ZNF407: variants seen among roughly 807,000 people sequenced by gnomAD.
ZNF407 encodes the protein zinc finger protein 407.
Under a neutral mutation model 131.2 loss-of-function variants are expected in ZNF407, and 17 were observed. That is an observed-to-expected ratio of 0.13 (90% CI 0.09 to 0.19). The LOEUF is 0.19. Ranked by LOEUF, ZNF407 falls within the 10% of genes least tolerant of loss-of-function variation. ZNF407 has a pLI of 1.00. For synonymous variants in ZNF407, 1,156 were observed against 1,062.0 expected (o/e 1.09, Z -1.72); for missense variants, 2,681 against 2,830.6 (o/e 0.95, Z 1.20).
Position 74,631,746 on chromosome 18 carries a change from G to A in ZNF407, c.727G>A (p.Val243Ile). 1 of 1,614,022 alleles carries A rather than the reference G, an allele frequency of 6.2e-7. No homozygotes were observed. Among genetic ancestry groups the A allele is most frequent in the Non-Finnish European group, 8.5e-7 (1 of 1,179,906 alleles). ...HIKQAHGPQK[V>I]FSCDLCGFQC... Reference sequence around the variant, plus strand: ...CAAACAAGCACATGGGCCACAGAAGGTCTTTTCCTGTGATCTTTGTGGTTT... The same window carrying A: ...CAAACAAGCACATGGGCCACAGAAGATCTTTTCCTGTGATCTTTGTGGTTT... Residue 243 changes from valine to isoleucine, a missense_variant, in exon 2 of 9, where the codon GTC becomes ATC. Around this residue, in one of 6 missense-constraint regions of ZNF407, gnomAD observed 1,789 missense variants for 1,748.7 expected, o/e 1.02. Coordinates refer to ENST00000299687, the MANE Select transcript of ZNF407 (RefSeq NM_017757.3).
At chr18:75,044,871 T>C (rs1012766732) in intron 8 of ZNF407, among the ~76,000 whole-genome samples, 2 of 152,180 alleles carry the variant, frequency 1.3e-5, no homozygotes, top group East Asian at 1.9e-4. Flanking sequence ...TGAAGACTTA[T>C]TTGTACATCA....
intron 8 of ZNF407, among the ~76,000 whole-genome samples, chr18:74,984,014 T>C (rs1342146613): frequency 6.6e-6 from 1 of 152,244 alleles, no homozygotes; most frequent in Non-Finnish European, 1.5e-5. Context: ...TGGCAGGTCA[T>C]AGACAATTTC....
At chr18:74,871,153 C>T (rs1157484389) in intron 4 of ZNF407, among the ~76,000 whole-genome samples, 4 of 152,104 alleles carry the variant, frequency 2.6e-5, no homozygotes, top group Non-Finnish European at 5.9e-5. Context: ...GCATGGTGGC[C>T]GGTCGGCAGT....
chr18:74,712,847 C>T (rs1455729394), intron 3 of ZNF407, among the ~76,000 whole-genome samples: 7 of 152,132 alleles, frequency 4.6e-5, no homozygotes, highest in African/African-American at 1.4e-4. Flanking sequence ...GGAGCATAGG[C>T]TGTGGGTCAC....
chr18:74,725,043 T>A (rs1479411675), intron 3 of ZNF407, among the ~76,000 whole-genome samples: 2 of 152,282 alleles, frequency 1.3e-5, no homozygotes, highest in African/African-American at 4.8e-5. Context: ...TTTGATTAAC[T>A]GTTTATGTCA....
chr18:74,872,766 G>GAAAAAAAAAAAAAAAAAAAAAAAAAA (rs5826351), intron 4 of ZNF407, among the ~76,000 whole-genome samples: 2 of 123,212 alleles, frequency 1.6e-5, no homozygotes, highest in Non-Finnish European at 1.6e-5. Flanking sequence ...AAAAAAAAAA[G>GAAAAAAAAAAAAAAAAAAAAAAAAAA]AAAAAAAAAA....
At chr18:74,866,063 T>TA (rs537116399) in intron 4 of ZNF407, among the ~76,000 whole-genome samples, 93 of 152,348 alleles carry the variant, frequency 6.1e-4, no homozygotes, top group African/African-American at 1.5e-3. Context: ...CCCTTGAACT[T>TA]ACGATTTACC....
At chr18:74,911,140 C>G (rs771082479) in intron 7 of ZNF407, among the ~76,000 whole-genome samples, 6 of 152,202 alleles carry the variant, frequency 3.9e-5, no homozygotes, top group Non-Finnish European at 8.8e-5. Flanking sequence ...TGTAGCTTTT[C>G]TCAATCTGCG....
chr18:74,734,486 A>T (rs1274979505), intron 3 of ZNF407, among the ~76,000 whole-genome samples: 1 of 152,194 alleles, frequency 6.6e-6, no homozygotes, highest in Non-Finnish European at 1.5e-5. Context: ...TATCTGTAGT[A>T]TGATAGTTTT....
chr18:74,939,668 A>G (rs769459709), intron 8 of ZNF407, among the ~76,000 whole-genome samples: 2 of 152,228 alleles, frequency 1.3e-5, no homozygotes, highest in Non-Finnish European at 2.9e-5. Flanking sequence ...AAGCCTATGG[A>G]GGAAAATTGG....
At chr18:74,958,777 T>C (rs1288710267) in intron 8 of ZNF407, among the ~76,000 whole-genome samples, 2 of 152,224 alleles carry the variant, frequency 1.3e-5, no homozygotes, top group Non-Finnish European at 2.9e-5. Flanking sequence ...TTTTGGCATG[T>C]GACAGTAGGG....
chr18:74,931,245 C>T (rs1052870125), intron 8 of ZNF407, among the ~76,000 whole-genome samples: 2 of 152,084 alleles, frequency 1.3e-5, no homozygotes, highest in African/African-American at 4.8e-5. Flanking sequence ...CTTCAAAGGG[C>T]ACCATCAAAA....
At chr18:75,044,836 A>ATG (rs1283743596) in intron 8 of ZNF407, among the ~76,000 whole-genome samples, 3 of 152,196 alleles carry the variant, frequency 2.0e-5, no homozygotes, top group Non-Finnish European at 4.4e-5. Context: ...AAAGACCACC[A>ATG]TGTACTTAAT....
chr18:75,004,311 G>A (rs1353418981), intron 8 of ZNF407, among the ~76,000 whole-genome samples: 1 of 152,152 alleles, frequency 6.6e-6, no homozygotes, highest in East Asian at 1.9e-4. Flanking sequence ...TAGGAGACTG[G>A]GTTCCATTGC....
intron 8 of ZNF407, among the ~76,000 whole-genome samples, chr18:74,972,894 C>G (rs1223418496): frequency 6.6e-6 from 1 of 152,158 alleles, no homozygotes; most frequent in Non-Finnish European, 1.5e-5. Flanking sequence ...TTTAAATCCT[C>G]TTTAACAATC....
rs954155739 is a variant in ZNF407, at chr18:75,004,870, G to C, written c.5429-58280G>C. On this transcript the variant is annotated intron_variant, in intron 8 of 8. Transcript: ENST00000299687. ...CGGGGTGGTAAATACGCCTCTCCTC[G>C]GCCCCACCGCACTTAGAGATGGCTT... Among the ~76,000 whole-genome samples the C allele has an allele frequency of 2.6e-4, 39 of 152,164 alleles. No homozygotes were observed. In the East Asian group the frequency reaches 5.4e-3, roughly 21 times the overall value.
rs376328713 is a variant in ZNF407, at chr18:74,919,378, A to G, written c.5250-1136A>G. 1.4e-4 allele frequency among the ~76,000 whole-genome samples: 21 copies of G among 152,326 alleles called. No individual in the cohort carries two copies. In the South Asian group the frequency reaches 3.1e-3, roughly 23 times the overall value. On this transcript the variant is annotated intron_variant, in intron 7 of 8. Coordinates refer to ENST00000299687, the MANE Select transcript of ZNF407 (RefSeq NM_017757.3). ...ACGTTCAGGCACTGTAGACCTACAT[A>G]AAGTTCTTCTTAGAGCCTTCAAGAT...
chr18:74,662,122 T>C (rs1341513103), intron 3 of ZNF407, among the ~76,000 whole-genome samples: 1 of 152,160 alleles, frequency 6.6e-6, no homozygotes, highest in African/African-American at 2.4e-5. Context: ...TGAGGTATAT[T>C]TATTTTTCCT....
chr18:74,639,727 G>A (rs1417237944), intron 2 of ZNF407, among the ~76,000 whole-genome samples: 2 of 152,088 alleles, frequency 1.3e-5, no homozygotes, highest in Non-Finnish European at 2.9e-5. Flanking sequence ...CTTGTCTGCC[G>A]GTGCTTAGTA....
Sources: allele counts gnomAD v4.1 joint callset (sites outside exome capture counted in the v4.1 genomes callset), GRCh38; gene constraint gnomAD v4.1.1; regional missense constraint gnomAD v4.1.1; transcripts MANE v1.5; gene names NCBI Gene and HGNC (gene_info 2026-07-23, HGNC 2026-07-21).